The following PTCHD4 variants were observed in gnomAD, a reference collection of about 807,000 sequenced individuals.
PTCHD4 encodes patched domain-containing protein 4.
PTCHD4 carries 33 observed loss-of-function variants against 58.1 expected under a neutral mutation model. The ratio of observed to expected loss-of-function variants is 0.57; its 90% CI spans 0.43 to 0.76. PTCHD4 has a LOEUF of 0.76. PTCHD4 is among the 30% of genes least tolerant of loss of function. The probability of loss-of-function intolerance (pLI) is 0.00; values close to 1 mark genes in which losing one functional copy is unlikely to be tolerated. For synonymous variants in PTCHD4, 478 were observed against 409.6 expected (o/e 1.17, Z -2.02); for missense variants, 1,058 against 1,027.1 (o/e 1.03, Z -0.41).
intron 4 of PTCHD4, among the ~76,000 whole-genome samples, chr6:47,904,135 C>T (rs13194591): frequency 0.66 from 100,124 of 151,974 alleles, 33,294 homozygotes; most frequent in East Asian, 0.78. Flanking sequence ...TGGAGCCTTG[C>T]AAATCACAGC....
intron 1 of PTCHD4, among the ~76,000 whole-genome samples, chr6:48,090,463 G>T (rs1019998150): frequency 4.6e-5 from 7 of 152,066 alleles, no homozygotes; most frequent in Non-Finnish European, 8.8e-5. Flanking sequence ...CTGTCAAGCA[G>T]ATATTTTTGG....
At chr6:48,050,661 A>G (rs1431301396) in intron 3 of PTCHD4, among the ~76,000 whole-genome samples, 1 of 152,044 alleles carries the variant, frequency 6.6e-6, no homozygotes, top group East Asian at 1.9e-4. Flanking sequence ...AATGACATGG[A>G]GCATTTGGTC....
intron 4 of PTCHD4, among the ~76,000 whole-genome samples, chr6:47,966,349 T>C (rs1171340469): frequency 1.3e-5 from 2 of 152,206 alleles, no homozygotes; most frequent in East Asian, 3.8e-4. Flanking sequence ...ATACCTTAAT[T>C]AAAAATATTT....
chr6:48,017,188 T>C (rs1013376389), intron 3 of PTCHD4, among the ~76,000 whole-genome samples: 9 of 152,200 alleles, frequency 5.9e-5, no homozygotes, highest in African/African-American at 2.2e-4. Flanking sequence ...AGTATATACA[T>C]AAACTAGGAT....
intron 1 of PTCHD4, among the ~76,000 whole-genome samples, chr6:48,084,892 C>T (rs951023918): frequency 2.6e-5 from 4 of 151,618 alleles, no homozygotes; most frequent in Admixed American, 6.6e-5. Flanking sequence ...TACAGGTGCA[C>T]GCCACCACAC....
chr6:47,985,401 A>G (rs1239442419), intron 4 of PTCHD4, among the ~76,000 whole-genome samples: 1 of 152,158 alleles, frequency 6.6e-6, no homozygotes, highest in East Asian at 1.9e-4. Context: ...ATGGTAATAA[A>G]ATTATTTGCA....
intron 1 of PTCHD4, among the ~76,000 whole-genome samples, chr6:48,098,755 T>C (rs1765532559): frequency 6.6e-6 from 1 of 152,234 alleles, no homozygotes; most frequent in Non-Finnish European, 1.5e-5. Context: ...AAATATTTTC[T>C]TGGTCTTGTT....
Position 47,899,517 on chromosome 6 carries a change from T to TG in PTCHD4, c.899-19582dup, listed in dbSNP as rs139170088. On this transcript the variant is annotated intron_variant, in intron 4 of 4. Transcript: ENST00000339488. ...TATTAGGGACAGAAAATGAGTCTAG[T>TG]GAGCAAGTATTTGCTGAAATAACTT... is the stretch of plus-strand genomic sequence containing the variant. 6.3e-3 allele frequency: 5,664 copies of TG among 901,064 alleles called. 249 individuals carry two copies. The African/African-American group carries it at 0.092, about 15-fold the overall frequency. 55.8% of individuals were successfully genotyped at this position (901,064 alleles called of 1,614,324 possible). A position where few individuals can be genotyped will look rare whatever the true frequency, so the allele number is the denominator to read the frequency against.
At chr6:47,982,111 G>A (rs1205873624) in intron 4 of PTCHD4, among the ~76,000 whole-genome samples, 1 of 152,112 alleles carries the variant, frequency 6.6e-6, no homozygotes, top group African/African-American at 2.4e-5. Flanking sequence ...ATGGATATAT[G>A]TTGATTTCTT....
intron 3 of PTCHD4, among the ~76,000 whole-genome samples, chr6:48,040,665 T>C (rs1323662934): frequency 6.6e-6 from 1 of 152,122 alleles, no homozygotes; most frequent in African/African-American, 2.4e-5. Context: ...AAGTGTCAAC[T>C]ATATGCCAGA....
intron 4 of PTCHD4, among the ~76,000 whole-genome samples, chr6:47,944,644 C>A (rs566689174): frequency 6.6e-6 from 1 of 152,196 alleles, no homozygotes; most frequent in Admixed American, 6.5e-5. Context: ...AATTGAAAAA[C>A]AGGGAAGCAA....
chr6:48,012,683 C>T (rs1187110027), intron 3 of PTCHD4, among the ~76,000 whole-genome samples: 1 of 152,116 alleles, frequency 6.6e-6, no homozygotes, highest in Non-Finnish European at 1.5e-5. Flanking sequence ...CAGCTTTTGC[C>T]CATTCAGTAT....
Position 48,068,709 on chromosome 6 carries a change from G to T in PTCHD4, c.6-68C>A. On this transcript the variant is annotated intron_variant, in intron 2 of 4. Transcript: ENST00000339488. The surrounding 1 kb of genome is among the most constrained non-coding windows in gnomAD (Gnocchi z 4.2). ...GTTCTCCCCCATCCCACCCCCTGGG[G>T]CCAGTCCCCCCTCCCCACCGCCGCC... is the stretch of plus-strand genomic sequence containing the variant. The T allele has an allele frequency of 6.9e-7, 1 of 1,439,028 alleles. No individual in the cohort carries two copies. Among genetic ancestry groups the T allele is most frequent in the Non-Finnish European group, 9.2e-7 (1 of 1,085,582 alleles). 89.1% of individuals were successfully genotyped at this position (1,439,028 alleles called of 1,614,324 possible).
rs551195055 is a variant in PTCHD4 at position 48,082,678 on chromosome 6, A to G, written c.-969-12752T>C. Among the ~76,000 whole-genome samples the G allele has an allele frequency of 2.0e-5, 3 of 152,250 alleles. No homozygotes were observed. The East Asian group carries it at 5.8e-4, about 29-fold the overall frequency. On this transcript the variant is annotated intron_variant, in intron 1 of 4. Coordinates refer to ENST00000339488, the MANE Select transcript of PTCHD4 (RefSeq NM_001384253.1). ...CCCTACACAATATTTACAGAGCTTG[A>G]TTTCAGGATTAACTACTTTAAACCA...
At chr6:48,050,801 G>T (rs376556379) in intron 3 of PTCHD4, among the ~76,000 whole-genome samples, 1 of 151,888 alleles carries the variant, frequency 6.6e-6, no homozygotes, top group Non-Finnish European at 1.5e-5. Context: ...TACTGTGTGT[G>T]CATTAAAGGA....
intron 4 of PTCHD4, among the ~76,000 whole-genome samples, chr6:48,001,614 C>T (rs2209520): frequency 0.97 from 148,060 of 152,328 alleles, 71,971 homozygotes; most frequent in East Asian, 1. Context: ...TAATTCAAGA[C>T]GTATTAAAGA....
At chr6:47,904,372 G>C (rs1764810645) in intron 4 of PTCHD4, among the ~76,000 whole-genome samples, 1 of 152,216 alleles carries the variant, frequency 6.6e-6, no homozygotes, top group African/African-American at 2.4e-5. Flanking sequence ...GCCTGTTTTG[G>C]AAATAAATTT....
At chr6:48,109,791 A>G (rs948413891) in intron 1 of PTCHD4, among the ~76,000 whole-genome samples, 1 of 152,146 alleles carries the variant, frequency 6.6e-6, no homozygotes, top group African/African-American at 2.4e-5. Context: ...CTTTTTTTCC[A>G]AAGAAAACAT....
At chr6:47,919,858 T>G (rs1765376794) in intron 4 of PTCHD4, among the ~76,000 whole-genome samples, 1 of 152,158 alleles carries the variant, frequency 6.6e-6, no homozygotes, top group African/African-American at 2.4e-5. Context: ...AAGGCTATGT[T>G]GTTGAGTCTG....
Sources: allele counts gnomAD v4.1 joint callset (sites outside exome capture counted in the v4.1 genomes callset), GRCh38; gene constraint gnomAD v4.1.1; non-coding constraint Gnocchi (gnomAD v3.1); transcripts MANE v1.5; gene names NCBI Gene and HGNC (gene_info 2026-07-23, HGNC 2026-07-21).